Variants in TMEM154 observed in about 807,000 individuals in gnomAD.
TMEM154 encodes transmembrane protein 154.
TMEM154 carries 27 observed loss-of-function variants against 24.5 expected under a neutral mutation model. The ratio of observed to expected loss-of-function variants is 1.10; its 90% CI spans 0.81 to 1.52. The LOEUF (loss-of-function observed/expected upper bound fraction) is 1.52, where lower values mean the gene tolerates loss of function less well. Among genes scored for constraint, TMEM154 ranks in the 40% most tolerant of loss-of-function variants. TMEM154 has a pLI of 0.00. For missense variants in TMEM154, 228 were observed against 213.4 expected (o/e 1.07, Z -0.43); for synonymous variants, 67 against 76.8 (o/e 0.87, Z 0.67).
chr4:152,628,610 C>CAAAAAAA, intron 6 of TMEM154, 49 bp from the exon 7 acceptor site: 1 of 1,186,992 alleles, frequency 8.4e-7, no homozygotes, highest in Non-Finnish European at 1.1e-6. Flanking sequence ...AACACACACA[C>CAAAAAAA]ACACACAAAA....
In TMEM154 at chr4:152,621,030, C is replaced by CT. The variant is rs1751837470; in HGVS notation, c.*7515dup. The CT allele has an allele frequency of 6.6e-6, 1 of 152,264 alleles. No individual in the cohort carries two copies. Among genetic ancestry groups the CT allele is most frequent in the Non-Finnish European group, 1.5e-5 (1 of 68,058 alleles). 9.4% of individuals were successfully genotyped at this position (152,264 alleles called of 1,614,324 possible). On this transcript the variant is annotated 3_prime_UTR_variant, in exon 7 of 7. Coordinates refer to ENST00000304385, the MANE Select transcript of TMEM154 (RefSeq NM_152680.3). ...TCAGATACCCAATATTCTTCCACCA[C>CT]TTTGTGAGACAGAATCCCTTATTGT...
intron 1 of TMEM154, among the ~76,000 whole-genome samples, chr4:152,674,181 G>A (rs960658779): frequency 6.6e-5 from 10 of 151,972 alleles, no homozygotes; most frequent in Non-Finnish European, 1.3e-4. Flanking sequence ...GTTGAAATTC[G>A]GAGTTATATC....
At chr4:152,635,015 C>T (rs550170891) in intron 6 of TMEM154, among the ~76,000 whole-genome samples, 1 of 152,192 alleles carries the variant, frequency 6.6e-6, no homozygotes, top group South Asian at 2.1e-4. Context: ...CAAGAAGGAT[C>T]TATATACGTT....
rs547066440 is a variant in TMEM154 at position 152,656,708 on chromosome 4, G to C, written c.65-3781C>G. On this transcript the variant is annotated intron_variant, in intron 1 of 6. Transcript: ENST00000304385. Reference sequence around the variant, plus strand: ...AGGCTGAGGCAGGTGGATCACCTGAGGTCGGGAGTTCAAGACCAGCCTGAC... The same window carrying C: ...AGGCTGAGGCAGGTGGATCACCTGACGTCGGGAGTTCAAGACCAGCCTGAC... Among the ~76,000 whole-genome samples, 28 of 152,042 alleles carry C rather than the reference G, an allele frequency of 1.8e-4. 1 individual carries two copies. The highest frequency in any genetic ancestry group is 4.4e-5 in the Non-Finnish European group (3 of 67,970).
intron 1 of TMEM154, among the ~76,000 whole-genome samples, chr4:152,654,141 C>G (rs1470580303): frequency 1.3e-5 from 2 of 152,178 alleles, no homozygotes; most frequent in African/African-American, 4.8e-5. Context: ...CCTTACCTGT[C>G]TAAGCAGTAG....
At chr4:152,679,138 G>T (rs1203074974) in intron 1 of TMEM154, among the ~76,000 whole-genome samples, 1 of 152,176 alleles carries the variant, frequency 6.6e-6, no homozygotes, top group Non-Finnish European at 1.5e-5. Flanking sequence ...GTGTAAATCA[G>T]TTGTTGCTTT....
chr4:152,677,404 A>G (rs1319571123), intron 1 of TMEM154, among the ~76,000 whole-genome samples: 2 of 152,264 alleles, frequency 1.3e-5, no homozygotes, highest in Non-Finnish European at 2.9e-5. Flanking sequence ...GCCCTTCAGT[A>G]GGTTGGATTC....
chr4:152,655,916 G>T (rs1466357452), intron 1 of TMEM154, among the ~76,000 whole-genome samples: 4 of 152,124 alleles, frequency 2.6e-5, no homozygotes, highest in Non-Finnish European at 5.9e-5. Flanking sequence ...CCCCACCAGA[G>T]AGTCAAAGAA....
At position 152,652,874 on chromosome 4, in the gene TMEM154, G is replaced by C; in HGVS notation, c.118C>G (p.Pro40Ala). The change falls in exon 2 of 7, where the codon CCA becomes GCA. Residue 40 changes from proline (P) to alanine (A), a missense_variant. Transcript: ENST00000304385. Reference sequence around the variant, plus strand: ...GTGCTTGGAATAGTCACTTTATTTGGTCTTTCAGATTCCACAGTTGTATCT... The same window carrying C: ...GTGCTTGGAATAGTCACTTTATTTGCTCTTTCAGATTCCACAGTTGTATCT... ...SGDTTVESER[P>A]NKVTIPSTFA... 6.2e-7 allele frequency: 1 copy of C among 1,613,600 alleles called. No individual in the cohort carries two copies. The highest frequency in any genetic ancestry group is 8.5e-7 in the Non-Finnish European group (1 of 1,179,806).
intron 6 of TMEM154, among the ~76,000 whole-genome samples, chr4:152,633,987 C>T (rs1269339512): frequency 7.0e-6 from 1 of 143,284 alleles, no homozygotes; most frequent in East Asian, 2.0e-4. Context: ...TGAGATCACA[C>T]CACTGCACTC....
At chr4:152,669,268 C>A (rs1000685290) in intron 1 of TMEM154, 18 of 151,962 alleles carry the variant, frequency 1.2e-4, no homozygotes, top group African/African-American at 4.4e-4. Flanking sequence ...TATTCTAATA[C>A]GTAGCTGTAC....
intron 6 of TMEM154, among the ~76,000 whole-genome samples, chr4:152,629,698 G>A (rs575910796): frequency 2.0e-5 from 3 of 152,288 alleles, no homozygotes; most frequent in Admixed American, 2.0e-4. Context: ...GCTCATAGAT[G>A]TGGATAGTCT....
At chr4:152,656,870 A>G (rs1349098672) in intron 1 of TMEM154, among the ~76,000 whole-genome samples, 5 of 151,828 alleles carry the variant, frequency 3.3e-5, no homozygotes, top group Non-Finnish European at 1.5e-5. Flanking sequence ...GCGGTGAGCC[A>G]AGATCATGCC....
chr4:152,675,381 A>G (rs1176240717), intron 1 of TMEM154, among the ~76,000 whole-genome samples: 1 of 152,176 alleles, frequency 6.6e-6, no homozygotes, highest in Non-Finnish European at 1.5e-5. Context: ...TAATCTTAGC[A>G]CTTTGGGAGG....
rs1416358002 is a variant in TMEM154, at chr4:152,620,859, A to G, written c.*7687T>C. The G allele has an allele frequency of 6.6e-6, 1 of 152,230 alleles. No homozygotes were observed. Among genetic ancestry groups the G allele is most frequent in the Non-Finnish European group, 1.5e-5 (1 of 68,068 alleles). 9.4% of individuals were successfully genotyped at this position (152,230 alleles called of 1,614,324 possible). On this transcript the variant is annotated 3_prime_UTR_variant, in exon 7 of 7. Coordinates refer to ENST00000304385, the MANE Select transcript of TMEM154 (RefSeq NM_152680.3). ...AGTTATTGGGGATGCAGTGCAGTGC[A>G]GTGATTAAAAACTTGTGCTTTGGAG...
In TMEM154 at chr4:152,621,126, G is replaced by A. The variant is rs951492740; in HGVS notation, c.*7420C>T. 10 of 152,276 alleles carry A rather than the reference G, an allele frequency of 6.6e-5. No homozygotes were observed. Among genetic ancestry groups the A allele is most frequent in the African/African-American group, 2.4e-4 (10 of 41,470 alleles). The allele number at this position is 152,276 out of a possible 1,614,324, so 9.4% of individuals were successfully genotyped here. On this transcript the variant is annotated 3_prime_UTR_variant, in exon 7 of 7. Transcript: ENST00000304385. ...CCTTGCAGAGATTGGCCAATGAGAT[G>A]TAAGCAGAGTTGCTTCACTGGGCTG...
chr4:152,638,581 T>C (rs1281325446), intron 6 of TMEM154, among the ~76,000 whole-genome samples: 1 of 152,230 alleles, frequency 6.6e-6, no homozygotes, highest in African/African-American at 2.4e-5. Context: ...TGTACATCAG[T>C]CCTAACTTCC....
intron 6 of TMEM154, 56 bp from the exon 7 acceptor site, chr4:152,628,617 A>ACACAC: frequency 8.0e-7 from 1 of 1,242,818 alleles, no homozygotes; most frequent in South Asian, 1.4e-5. Flanking sequence ...ACACACACAC[A>ACACAC]AAACAGTAAT....
At chr4:152,663,149 G>A (rs1284641857) in intron 1 of TMEM154, among the ~76,000 whole-genome samples, 3 of 152,126 alleles carry the variant, frequency 2.0e-5, no homozygotes, top group Admixed American at 1.3e-4. Context: ...CACCATACAC[G>A]GGCCAGGTAT....
Sources: gnomAD v4.1 joint callset for allele counts (sites outside exome capture counted in the v4.1 genomes callset) on GRCh38, gnomAD v4.1.1 for gene constraint, MANE v1.5 for transcripts, NCBI Gene and HGNC (gene_info 2026-07-23, HGNC 2026-07-21) for gene names.